FKBP5: variants seen among roughly 807,000 people sequenced by gnomAD.
The protein encoded by FKBP5 is FKBP prolyl isomerase 5.
Under a neutral mutation model 50.5 loss-of-function variants are expected in FKBP5, and 23 were observed. That is an observed-to-expected ratio of 0.46 (90% CI 0.33 to 0.65). The LOEUF is 0.65. Ranked by LOEUF, FKBP5 falls within the 30% of genes least tolerant of loss-of-function variation. The probability of loss-of-function intolerance (pLI) is 0.02; values close to 1 mark genes in which losing one functional copy is unlikely to be tolerated. For synonymous variants in FKBP5, 176 were observed against 190.6 expected, an observed-to-expected ratio of 0.92 and a Z score of 0.63; for missense variants, 411 against 553.1, an observed-to-expected ratio of 0.74 and a Z score of 2.58.
At chr6:35,628,083 T>A (rs1214968605) in intron 3 of FKBP5, among the ~76,000 whole-genome samples, 1 of 152,058 alleles carries the variant, frequency 6.6e-6, no homozygotes, top group Non-Finnish European at 1.5e-5. Flanking sequence ...TTCCTCCATA[T>A]TCTTATGGGA....
chr6:35,706,469 A>C (rs886286468), intron 2 of FKBP5, among the ~76,000 whole-genome samples: 3 of 152,018 alleles, frequency 2.0e-5, no homozygotes, highest in Non-Finnish European at 2.9e-5. Flanking sequence ...GAAAAAAGAA[A>C]TACATAAGAG....
chr6:35,596,516 A>AT (rs1266652201), intron 6 of FKBP5, among the ~76,000 whole-genome samples: 5 of 152,262 alleles, frequency 3.3e-5, no homozygotes, highest in Non-Finnish European at 7.4e-5. Context: ...CACTGTCTGA[A>AT]ATCCATGGAG....
chr6:35,596,863 C>T (rs1762997822), intron 6 of FKBP5, among the ~76,000 whole-genome samples: 1 of 152,054 alleles, frequency 6.6e-6, no homozygotes, highest in Admixed American at 6.6e-5. Context: ...AGTAAATCAT[C>T]CAAATGCTTC....
upstream of FKBP5, among the ~76,000 whole-genome samples, chr6:35,692,720 G>A (rs554816504): frequency 1.8e-3 from 266 of 151,286 alleles, 2 homozygotes; most frequent in Non-Finnish European, 2.4e-3. Context: ...GAACCCAGAC[G>A]GTGGAAGTTG....
chr6:35,582,298 G>T (rs1388426311), intron 8 of FKBP5: 26 of 985,140 alleles, frequency 2.6e-5, no homozygotes, highest in Non-Finnish European at 3.0e-5. Context: ...AATTAGATTT[G>T]CTATGGACTG....
chr6:35,685,041 A>T (rs1765783734), intron 1 of FKBP5, among the ~76,000 whole-genome samples: 1 of 151,970 alleles, frequency 6.6e-6, no homozygotes, highest in Admixed American at 6.6e-5. Flanking sequence ...AGCCTGGGCA[A>T]TAAAGCAAGA....
Position 35,630,193 on chromosome 6 carries a change from C to T in FKBP5, c.250+6821G>A, listed in dbSNP as rs572587631. Among the ~76,000 whole-genome samples the T allele has an allele frequency of 6.9e-4, 103 of 149,514 alleles. 3 individuals are homozygous for T. The South Asian group carries it at 0.016, about 24-fold the overall frequency. On this transcript the variant is annotated intron_variant, in intron 3 of 10. Transcript: ENST00000357266. ...GAAAGAGAGAGAGAGAGAGAGAGAGCGAGCGAACACAAGCGCCAGTGCTTT... is the reference window on the plus strand; with the variant it reads ...GAAAGAGAGAGAGAGAGAGAGAGAGTGAGCGAACACAAGCGCCAGTGCTTT...
At chr6:35,719,618 A>G (rs1168643147) in intron 2 of FKBP5, among the ~76,000 whole-genome samples, 1 of 152,192 alleles carries the variant, frequency 6.6e-6, no homozygotes, top group Admixed American at 6.5e-5. Context: ...TGTGTAGTCC[A>G]CAGAGCCTGG....
At chr6:35,684,248 C>T (rs893983051) in intron 1 of FKBP5, among the ~76,000 whole-genome samples, 12 of 151,200 alleles carry the variant, frequency 7.9e-5, no homozygotes, top group Non-Finnish European at 1.0e-4. Flanking sequence ...GCTTAATCAC[C>T]GCTCACTGCA....
intron 8 of FKBP5, chr6:35,583,168 C>T (rs1762492816): frequency 1.0e-6 from 1 of 985,290 alleles, no homozygotes; most frequent in Admixed American, 6.2e-5. Flanking sequence ...AGTGTTGTTT[C>T]ACTGAGATGA....
At chr6:35,634,475 G>A (rs531454930) in intron 3 of FKBP5, among the ~76,000 whole-genome samples, 6 of 152,272 alleles carry the variant, frequency 3.9e-5, no homozygotes, top group East Asian at 1.9e-4. Context: ...GAGCAGGGGC[G>A]TGGCCAGAAC....
chr6:35,614,451 A>G (rs1037193806), intron 5 of FKBP5, among the ~76,000 whole-genome samples: 1 of 152,140 alleles, frequency 6.6e-6, no homozygotes, highest in Non-Finnish European at 1.5e-5. Context: ...CATGGCAGGA[A>G]CCCAAAATGG....
chr6:35,670,427 A>G (rs1765352876), intron 1 of FKBP5, among the ~76,000 whole-genome samples: 1 of 152,222 alleles, frequency 6.6e-6, no homozygotes, highest in Non-Finnish European at 1.5e-5. Flanking sequence ...TAAAAAATTA[A>G]CTTACATAAA....
At chr6:35,719,201 T>G (rs1766563677) in intron 2 of FKBP5, among the ~76,000 whole-genome samples, 1 of 152,236 alleles carries the variant, frequency 6.6e-6, no homozygotes, top group Admixed American at 6.5e-5. Context: ...CTCCCTTTCA[T>G]GTTAAGAACT....
intron 3 of FKBP5, among the ~76,000 whole-genome samples, chr6:35,622,729 ATCTT>A: frequency 6.6e-6 from 1 of 152,208 alleles, no homozygotes. Context: ...TTTATTATAT[ATCTT>A]CATCCTCTTT....
intron 2 of FKBP5, among the ~76,000 whole-genome samples, chr6:35,708,576 ATT>A (rs34417388): frequency 1.1e-4 from 17 of 149,410 alleles, no homozygotes; most frequent in East Asian, 2.0e-4. Context: ...TCTATATAGC[ATT>A]TTTTTTTTTA....
At chr6:35,661,712 G>A (rs1024171818) in intron 1 of FKBP5, among the ~76,000 whole-genome samples, 1 of 74,870 alleles carries the variant, frequency 1.3e-5, no homozygotes, top group African/African-American at 4.2e-5. Flanking sequence ...CAGTTGCAGT[G>A]AGCAGAGATC....
intron 1 of FKBP5, among the ~76,000 whole-genome samples, chr6:35,663,427 A>T (rs1262916650): frequency 6.6e-6 from 1 of 152,238 alleles, no homozygotes; most frequent in Non-Finnish European, 1.5e-5. Context: ...GGCATTTTTA[A>T]GAAAAGAAAT....
At chr6:35,695,195 G>A (rs961472778) in intron 2 of FKBP5, among the ~76,000 whole-genome samples, 25 of 152,168 alleles carry the variant, frequency 1.6e-4, no homozygotes, top group Non-Finnish European at 2.9e-4. Context: ...ACAGAGTCTC[G>A]CTCTGTCACC....
Sources: gnomAD v4.1 joint callset for allele counts (sites outside exome capture counted in the v4.1 genomes callset) on GRCh38, gnomAD v4.1.1 for gene constraint, MANE v1.5 for transcripts, NCBI Gene and HGNC (gene_info 2026-07-23, HGNC 2026-07-21) for gene names.